The following CAMTA1 variants were observed in gnomAD, a reference collection of about 807,000 sequenced individuals.
CAMTA1 encodes calmodulin binding transcription activator 1.
Under a neutral mutation model 170.9 loss-of-function variants are expected in CAMTA1, and 27 were observed. The observed-to-expected ratio is 0.16, with a 90% CI of 0.12 to 0.22. The LOEUF is 0.22. CAMTA1 is among the 10% of genes least tolerant of loss of function. CAMTA1 has a pLI of 1.00. For synonymous variants in CAMTA1, 833 were observed against 891.5 expected (o/e 0.93, Z 1.17); for missense variants, 1,619 against 2,217.2 (o/e 0.73, Z 5.42).
intron 11 of CAMTA1, among the ~76,000 whole-genome samples, chr1:7,709,218 G>T (rs2096550919): frequency 6.6e-6 from 1 of 152,206 alleles, no homozygotes; most frequent in African/African-American, 2.4e-5. Context: ...GGGTGCAGAG[G>T]GGCCCCACCT....
At chr1:7,636,564 C>T (rs2095714002) in intron 6 of CAMTA1, among the ~76,000 whole-genome samples, 2 of 152,118 alleles carry the variant, frequency 1.3e-5, no homozygotes, top group Admixed American at 6.6e-5. Flanking sequence ...TAAAAATTAG[C>T]CGGGCATGGT....
intron 4 of CAMTA1, among the ~76,000 whole-genome samples, chr1:7,192,599 C>T (rs536433518): frequency 9.8e-5 from 15 of 152,286 alleles, no homozygotes; most frequent in Non-Finnish European, 2.1e-4. Context: ...GCCATTGAGC[C>T]GAGTGCCACC....
intron 1 of CAMTA1, among the ~76,000 whole-genome samples, chr1:6,808,511 A>G (rs1337940768): frequency 2.0e-5 from 3 of 152,138 alleles, no homozygotes; most frequent in Admixed American, 2.0e-4. Context: ...GCTTAAATGA[A>G]ACTTCCAATA....
Position 7,744,873 on chromosome 1 carries a change from C to T in CAMTA1, c.4221C>T (p.Ala1407=). ...CCTTGGCAGAACACATTATTGAAGC[C>T]ACACCTGACCGAATCAAGCAGGAGA... ...MMTLAEHIIE[A]TPDRIKQENF... The change falls in exon 17 of 23, where the codon GCC becomes GCT. Residue 1407 remains alanine (A), a synonymous_variant. Transcript: ENST00000303635. The T allele has an allele frequency of 6.2e-7, 1 of 1,613,990 alleles. No homozygotes were observed. Among genetic ancestry groups the T allele is most frequent in the Non-Finnish European group, 8.5e-7 (1 of 1,179,980 alleles).
At chr1:6,941,725 C>T (rs1686665520) in intron 3 of CAMTA1, among the ~76,000 whole-genome samples, 1 of 152,260 alleles carries the variant, frequency 6.6e-6, no homozygotes, top group Non-Finnish European at 1.5e-5. Flanking sequence ...CCTAGCACTT[C>T]TGGGCAGTCC....
intron 5 of CAMTA1, among the ~76,000 whole-genome samples, chr1:7,309,286 A>ATTTTTTTTTTTTTTTTTTTTTTTTTTTT (rs1557486806): frequency 7.0e-6 from 1 of 142,894 alleles, no homozygotes; most frequent in African/African-American, 2.6e-5. Context: ...GCAGTTAGAA[A>ATTTTTTTTTTTTTTTTTTTTTTTTTTTT]ATTTTTTTTT....
In CAMTA1 at chr1:7,368,217, A is replaced by G. The variant is rs534082880; in HGVS notation, c.439-99613A>G. On this transcript the variant is annotated intron_variant, in intron 5 of 22. Transcript: ENST00000303635. ...ACAGACACTGGGCACTCATGGTTTC[A>G]TTGGGTGCAGGCACTGGGCATGGAT... 7.0e-4 allele frequency among the ~76,000 whole-genome samples: 103 copies of G among 147,778 alleles called. 2 individuals are homozygous for G. The South Asian group carries it at 0.022, about 31-fold the overall frequency.
chr1:7,643,572 T>C lies in CAMTA1; in HGVS notation c.664+3019T>C, dbSNP rs535108619. On this transcript the variant is annotated intron_variant, in intron 7 of 22. Coordinates refer to ENST00000303635, the MANE Select transcript of CAMTA1 (RefSeq NM_015215.4). Reference sequence around the variant, plus strand: ...AGGCTGGGTGGGAGGAATTAGGCTTTATGAACTCCAGGGGGTGGAAACCAG... The same window carrying C: ...AGGCTGGGTGGGAGGAATTAGGCTTCATGAACTCCAGGGGGTGGAAACCAG... 9.8e-5 allele frequency among the ~76,000 whole-genome samples: 15 copies of C among 152,334 alleles called. No individual in the cohort carries two copies. The South Asian group carries it at 2.9e-3, about 29-fold the overall frequency.
chr1:7,019,636 A>G (rs1030432373), intron 3 of CAMTA1, among the ~76,000 whole-genome samples: 1 of 152,258 alleles, frequency 6.6e-6, no homozygotes, highest in Non-Finnish European at 1.5e-5. Context: ...AGCTACACAG[A>G]TGATGAAACT....
chr1:6,955,292 C>G (rs1369864390), intron 3 of CAMTA1, among the ~76,000 whole-genome samples: 2 of 152,140 alleles, frequency 1.3e-5, no homozygotes, highest in African/African-American at 4.8e-5. Context: ...TATACTCTCA[C>G]CATCTCCCCT....
chr1:7,580,702 C>T lies in CAMTA1; in HGVS notation c.511-59698C>T, dbSNP rs1024630924. On this transcript the variant is annotated intron_variant, in intron 6 of 22. Coordinates refer to ENST00000303635, the MANE Select transcript of CAMTA1 (RefSeq NM_015215.4). This position sits in a 1 kb window ranked among gnomAD's most constrained non-coding sequence, Gnocchi z 4.3. ...GGCTGTGCCCAGCACTGTGCAAAAT[C>T]CCTCCTGTGCTGGTCTTCCTGGATG... Among the ~76,000 whole-genome samples, 3 of 152,154 alleles carry T rather than the reference C, an allele frequency of 2.0e-5. No individual in the cohort carries two copies. Among genetic ancestry groups the T allele is most frequent in the Non-Finnish European group, 4.4e-5 (3 of 68,020 alleles).
intron 6 of CAMTA1, among the ~76,000 whole-genome samples, chr1:7,474,998 C>T (rs1244616075): frequency 1.3e-5 from 2 of 152,242 alleles, no homozygotes; most frequent in African/African-American, 4.8e-5. Flanking sequence ...GCTCGCCCCT[C>T]AGCCCGTGGC....
chr1:7,668,998 C>A (rs184823880), intron 9 of CAMTA1, among the ~76,000 whole-genome samples: 200 of 152,258 alleles, frequency 1.3e-3, no homozygotes, highest in Non-Finnish European at 2.2e-3. Context: ...GGCACCCACT[C>A]CCCCCAATGC....
At chr1:7,460,429 T>A (rs1471456427) in intron 5 of CAMTA1, among the ~76,000 whole-genome samples, 1 of 152,044 alleles carries the variant, frequency 6.6e-6, no homozygotes, top group African/African-American at 2.4e-5. Context: ...TCTCTATCTC[T>A]CTCCTCTACG....
At chr1:7,368,417 C>T (rs1303675101) in intron 5 of CAMTA1, among the ~76,000 whole-genome samples, 1 of 151,834 alleles carries the variant, frequency 6.6e-6, no homozygotes, top group African/African-American at 2.4e-5. Flanking sequence ...TCATTGGGCG[C>T]AGGCACTGGG....
At chr1:7,396,994 C>T (rs1000046054) in intron 5 of CAMTA1, among the ~76,000 whole-genome samples, 1 of 152,142 alleles carries the variant, frequency 6.6e-6, no homozygotes, top group Non-Finnish European at 1.5e-5. Context: ...GTTTTGGTAT[C>T]AGGGTAATGC....
At chr1:7,498,440 AGT>A (rs576135090) in intron 6 of CAMTA1, among the ~76,000 whole-genome samples, 38 of 145,688 alleles carry the variant, frequency 2.6e-4, no homozygotes, top group East Asian at 1.4e-3. Flanking sequence ...CGTGTGTATG[AGT>A]GTGTGTGAAT....
In CAMTA1 at chr1:7,641,992, C is replaced by T. The variant is rs2095765242; in HGVS notation, c.664+1439C>T. Among the ~76,000 whole-genome samples, 1 of 151,916 alleles carries T rather than the reference C, an allele frequency of 6.6e-6. No individual in the cohort carries two copies. The highest frequency in any genetic ancestry group is 2.1e-4 in the South Asian group (1 of 4,818). ...CCTCTGCAGGACTCTGCGCCCTTTC[C>T]ACCTGCTGTAGTCCCCACTCCCCAG... is the stretch of plus-strand genomic sequence containing the variant. On this transcript the variant is annotated intron_variant, in intron 7 of 22. Coordinates refer to ENST00000303635, the MANE Select transcript of CAMTA1 (RefSeq NM_015215.4). The surrounding 1 kb of genome is among the most constrained non-coding windows in gnomAD (Gnocchi z 4.5).
At chr1:7,017,178 A>G (rs1700686730) in intron 3 of CAMTA1, among the ~76,000 whole-genome samples, 1 of 152,216 alleles carries the variant, frequency 6.6e-6, no homozygotes, top group Non-Finnish European at 1.5e-5. Context: ...CAGAAGAATG[A>G]AACAGGCCCC....
Sources: gnomAD v4.1 joint callset for allele counts (sites outside exome capture counted in the v4.1 genomes callset) on GRCh38, gnomAD v4.1.1 for gene constraint, Gnocchi (gnomAD v3.1) non-coding constraint, MANE v1.5 for transcripts, NCBI Gene and HGNC (gene_info 2026-07-23, HGNC 2026-07-21) for gene names.